Variants in GABRB1 observed in about 807,000 individuals in gnomAD.
The protein encoded by GABRB1 is gamma-aminobutyric acid receptor subunit beta-1.
Under a neutral mutation model 51.6 loss-of-function variants are expected in GABRB1, and 17 were observed. The ratio of observed to expected loss-of-function variants is 0.33; its 90% CI spans 0.23 to 0.49. The LOEUF (loss-of-function observed/expected upper bound fraction) is 0.49, where lower values mean the gene tolerates loss of function less well. Ranked by LOEUF, GABRB1 falls within the 20% of genes least tolerant of loss-of-function variation. The pLI is 0.99. For missense variants in GABRB1, 410 were observed against 600.6 expected (o/e 0.68, Z 3.32); for synonymous variants, 247 against 218.9 (o/e 1.13, Z -1.14).
intron 1 of GABRB1, among the ~76,000 whole-genome samples, chr4:47,013,813 A>C (rs2109442768): frequency 6.6e-6 from 1 of 152,320 alleles, no homozygotes; most frequent in East Asian, 1.9e-4. Context: ...TCTTGGAGTG[A>C]AACTATGATA....
intron 3 of GABRB1, among the ~76,000 whole-genome samples, chr4:47,074,961 T>C (rs553095990): frequency 6.6e-6 from 1 of 152,316 alleles, no homozygotes; most frequent in Non-Finnish European, 1.5e-5. Flanking sequence ...GGAATTTCCT[T>C]CCTCTCTTGC....
intron 3 of GABRB1, among the ~76,000 whole-genome samples, chr4:47,064,107 A>G (rs1413825660): frequency 1.3e-5 from 2 of 152,060 alleles, no homozygotes; most frequent in Non-Finnish European, 2.9e-5. Flanking sequence ...CAAGCCTAGA[A>G]CCCTTCCCAG....
intron 4 of GABRB1, among the ~76,000 whole-genome samples, chr4:47,300,293 G>T (rs1302803407): frequency 1.3e-5 from 2 of 151,770 alleles, no homozygotes; most frequent in Admixed American, 6.6e-5. Flanking sequence ...AAAAAACAAA[G>T]AAATTATCTA....
chr4:47,056,309 T>C (rs569144590), intron 3 of GABRB1, among the ~76,000 whole-genome samples: 6 of 152,172 alleles, frequency 3.9e-5, no homozygotes, highest in South Asian at 2.1e-4. Flanking sequence ...GAAGCCACCC[T>C]CTCCGACCCA....
chr4:47,382,372 G>A (rs1393548746), intron 5 of GABRB1, among the ~76,000 whole-genome samples: 2 of 152,136 alleles, frequency 1.3e-5, no homozygotes, highest in African/African-American at 4.8e-5. Flanking sequence ...CTCTGGCAGG[G>A]GAAATCACCT....
chr4:47,071,827 C>G (rs1445373435), intron 3 of GABRB1, among the ~76,000 whole-genome samples: 1 of 151,928 alleles, frequency 6.6e-6, no homozygotes, highest in East Asian at 1.9e-4. Flanking sequence ...TCTTAACTCT[C>G]AAGCCAGCTA....
At chr4:47,017,334 C>A (rs2109447197) in intron 1 of GABRB1, among the ~76,000 whole-genome samples, 1 of 152,340 alleles carries the variant, frequency 6.6e-6, no homozygotes, top group East Asian at 1.9e-4. Flanking sequence ...ATTACACTAA[C>A]TTAAATTGTA....
chr4:47,039,125 A>G (rs1270289219), intron 3 of GABRB1, among the ~76,000 whole-genome samples: 2 of 151,966 alleles, frequency 1.3e-5, no homozygotes, highest in African/African-American at 4.8e-5. Context: ...GAAATCTTAT[A>G]AAAAAGGCTG....
chr4:47,064,848 CA>C (rs1453970728), intron 3 of GABRB1, among the ~76,000 whole-genome samples: 2 of 151,978 alleles, frequency 1.3e-5, no homozygotes, highest in Admixed American at 6.6e-5. Context: ...AATAAATATC[CA>C]TCAAATGAAC....
chr4:47,062,350 T>C (rs180997725), intron 3 of GABRB1, among the ~76,000 whole-genome samples: 156 of 151,814 alleles, frequency 1.0e-3, no homozygotes, highest in African/African-American at 3.4e-3. Context: ...TTGGTTGTTT[T>C]GCTGATATAA....
intron 4 of GABRB1, among the ~76,000 whole-genome samples, chr4:47,305,213 A>G (rs1724422691): frequency 6.6e-6 from 1 of 152,120 alleles, no homozygotes; most frequent in Non-Finnish European, 1.5e-5. Context: ...GAGAGTTCCT[A>G]AAATATCTAG....
intron 3 of GABRB1, among the ~76,000 whole-genome samples, chr4:47,096,907 A>C (rs1714467082): frequency 6.6e-6 from 1 of 152,104 alleles, no homozygotes; most frequent in Non-Finnish European, 1.5e-5. Context: ...CCTTGATTTT[A>C]CTCCAGTGAG....
chr4:47,171,409 A>G (rs866659933), intron 4 of GABRB1, among the ~76,000 whole-genome samples: 1 of 152,278 alleles, frequency 6.6e-6, no homozygotes, highest in Non-Finnish European at 1.5e-5. Context: ...ACTTCTTGAG[A>G]AGATGTATCA....
intron 3 of GABRB1, among the ~76,000 whole-genome samples, chr4:47,157,797 A>C (rs2109731137): frequency 6.6e-6 from 1 of 152,128 alleles, no homozygotes; most frequent in East Asian, 1.9e-4. Flanking sequence ...TATCAATATC[A>C]TATGTCTGTA....
At chr4:47,118,935 A>G (rs1715623762) in intron 3 of GABRB1, among the ~76,000 whole-genome samples, 1 of 152,214 alleles carries the variant, frequency 6.6e-6, no homozygotes, top group Non-Finnish European at 1.5e-5. Flanking sequence ...GGTTAATTAA[A>G]ATAAATATTA....
intron 3 of GABRB1, among the ~76,000 whole-genome samples, chr4:47,139,777 T>C (rs1487990993): frequency 2.0e-5 from 3 of 152,010 alleles, no homozygotes; most frequent in African/African-American, 7.2e-5. Context: ...CTGGGTCTTA[T>C]TAAAATGAAA....
rs753559890 is a variant in GABRB1 at position 47,161,410 on chromosome 4, C to G, written c.402C>G (p.Val134=). 1.2e-5 allele frequency: 20 copies of G among 1,612,524 alleles called. No individual in the cohort carries two copies. Among genetic ancestry groups the G allele is most frequent in the Non-Finnish European group, 5.1e-6 (6 of 1,179,194 alleles). ...LNDKKSFVHG[V]TVKNRMIRLH... ...ACAAGAAATCATTTGTGCATGGGGT[C>G]ACAGTGAAAAATCGAATGATTCGAC... Residue 134 remains valine, a synonymous_variant, in exon 4 of 9, where the codon GTC becomes GTG. Coordinates refer to ENST00000295454, the MANE Select transcript of GABRB1 (RefSeq NM_000812.4).
chr4:47,276,902 G>A (rs1001398031), intron 4 of GABRB1, among the ~76,000 whole-genome samples: 1 of 151,952 alleles, frequency 6.6e-6, no homozygotes, highest in Non-Finnish European at 1.5e-5. Context: ...GGAGTGGGGT[G>A]GAGGTAAGGG....
intron 4 of GABRB1, among the ~76,000 whole-genome samples, chr4:47,224,203 A>G (rs1254899384): frequency 6.6e-6 from 1 of 151,942 alleles, no homozygotes; most frequent in Non-Finnish European, 1.5e-5. Context: ...ACTGCAAAGA[A>G]CCCTTCCACA....
Sources: allele counts gnomAD v4.1 joint callset (sites outside exome capture counted in the v4.1 genomes callset), GRCh38; gene constraint gnomAD v4.1.1; transcripts MANE v1.5; gene names NCBI Gene and HGNC (gene_info 2026-07-23, HGNC 2026-07-21).